The following MAPK10 variants were observed in gnomAD, a reference collection of about 807,000 sequenced individuals.
MAPK10 encodes the protein JNK3 alpha protein kinase.
MAPK10 carries 25 observed loss-of-function variants against 59.3 expected under a neutral mutation model. That is an observed-to-expected ratio of 0.42 (90% CI 0.31 to 0.59). MAPK10 has a LOEUF of 0.59. Among genes scored for constraint, MAPK10 ranks in the 20% least tolerant of loss-of-function variants. MAPK10 has a pLI of 0.15. For missense variants in MAPK10, 351 were observed against 568.9 expected (o/e 0.62, Z 3.90); for synonymous variants, 190 against 200.5 (o/e 0.95, Z 0.44).
chr4:86,351,958 T>G (rs2148963890), intron 2 of MAPK10, among the ~76,000 whole-genome samples: 1 of 152,324 alleles, frequency 6.6e-6, no homozygotes, highest in Admixed American at 6.5e-5. Context: ...AAAGATGCTC[T>G]TCTTCATTAG....
intron 2 of MAPK10, among the ~76,000 whole-genome samples, chr4:86,319,770 A>T (rs2095854948): frequency 6.6e-6 from 1 of 152,196 alleles, no homozygotes. Flanking sequence ...TCAATGAGGG[A>T]TGGCAGCTAA....
chr4:86,579,516 T>TACACACAC (rs35878270), intron 1 of MAPK10, among the ~76,000 whole-genome samples: 2,418 of 146,252 alleles, frequency 0.017, 27 homozygotes, highest in Non-Finnish European at 0.021. Context: ...GATATGTGTA[T>TACACACAC]ACACACACAC....
At chr4:86,270,916 T>G (rs1379748223) in intron 2 of MAPK10, among the ~76,000 whole-genome samples, 1 of 152,106 alleles carries the variant, frequency 6.6e-6, no homozygotes, top group Non-Finnish European at 1.5e-5. Context: ...TTTATTCACT[T>G]CTTGTTGAAA....
intron 13 of MAPK10, chr4:86,020,304 T>C (rs1446484033): frequency 6.6e-6 from 1 of 151,826 alleles, no homozygotes; most frequent in African/African-American, 2.4e-5. Context: ...TATGGATACA[T>C]CACATTTTGT....
At chr4:86,564,671 G>GCA (rs1760929056) in intron 1 of MAPK10, among the ~76,000 whole-genome samples, 1 of 152,116 alleles carries the variant, frequency 6.6e-6, no homozygotes, top group African/African-American at 2.4e-5. Flanking sequence ...AGCGCCATGA[G>GCA]GAGATACCCC....
At chr4:86,321,192 C>T (rs1456958979) in intron 2 of MAPK10, among the ~76,000 whole-genome samples, 1 of 152,024 alleles carries the variant, frequency 6.6e-6, no homozygotes, top group African/African-American at 2.4e-5. Flanking sequence ...CCTCAAGGAT[C>T]TAGAACTAGA....
At chr4:86,190,641 T>G (rs1398084926) in intron 3 of MAPK10, among the ~76,000 whole-genome samples, 1 of 152,174 alleles carries the variant, frequency 6.6e-6, no homozygotes, top group Non-Finnish European at 1.5e-5. Context: ...TTTCTTTTCC[T>G]CTTTATTAGT....
At chr4:86,267,166 GA>G (rs2094276940) in intron 2 of MAPK10, among the ~76,000 whole-genome samples, 1 of 152,106 alleles carries the variant, frequency 6.6e-6, no homozygotes, top group African/African-American at 2.4e-5. Context: ...GTCCTGAACA[GA>G]AAAGTTCACA....
intron 4 of MAPK10, among the ~76,000 whole-genome samples, chr4:86,135,936 C>T (rs1445490413): frequency 1.3e-5 from 2 of 151,846 alleles, no homozygotes; most frequent in Admixed American, 1.3e-4. Context: ...AGGGTATCAG[C>T]AATGGAAGAT....
At chr4:86,457,199 G>GAT (rs994065065), upstream of MAPK10, among the ~76,000 whole-genome samples, 9 of 152,236 alleles carry the variant, frequency 5.9e-5, no homozygotes, top group African/African-American at 1.7e-4. Flanking sequence ...ACAGCCAACA[G>GAT]ATACTGAATG....
At chr4:86,233,830 A>G (rs1021437935) in intron 2 of MAPK10, among the ~76,000 whole-genome samples, 1 of 152,196 alleles carries the variant, frequency 6.6e-6, no homozygotes, top group Non-Finnish European at 1.5e-5. Context: ...GGTAGTCATT[A>G]CAGGAATCCA....
chr4:86,542,782 T>C (rs1758824682), intron 1 of MAPK10, among the ~76,000 whole-genome samples: 1 of 152,176 alleles, frequency 6.6e-6, no homozygotes, highest in African/African-American at 2.4e-5. Flanking sequence ...AGACACTGCT[T>C]GCTTTGCTTT....
intron 1 of MAPK10, among the ~76,000 whole-genome samples, chr4:86,531,274 T>C (rs2149091390): frequency 6.6e-6 from 1 of 152,346 alleles, no homozygotes; most frequent in Admixed American, 6.5e-5. Context: ...CTGAGCCTAT[T>C]ACATTACAAT....
intron 2 of MAPK10, among the ~76,000 whole-genome samples, chr4:86,199,151 A>G (rs932830658): frequency 2.7e-4 from 41 of 151,870 alleles, no homozygotes; most frequent in African/African-American, 9.2e-4. Flanking sequence ...TGCATAGCCT[A>G]CAACACAATA....
At chr4:86,251,628 A>G (rs532986292) in intron 2 of MAPK10, among the ~76,000 whole-genome samples, 17 of 135,520 alleles carry the variant, frequency 1.3e-4, no homozygotes, top group Admixed American at 4.6e-4. Flanking sequence ...TAATGCCGCA[A>G]TAAACATACA....
At chr4:86,403,045 A>G (rs866818234) in intron 1 of MAPK10, among the ~76,000 whole-genome samples, 35 of 152,188 alleles carry the variant, frequency 2.3e-4, no homozygotes, top group South Asian at 8.3e-4. Flanking sequence ...GCAGTTAAAT[A>G]TAATATCAAG....
chr4:86,049,267 T>C (rs1170790886), intron 11 of MAPK10, among the ~76,000 whole-genome samples: 4 of 152,030 alleles, frequency 2.6e-5, no homozygotes, highest in South Asian at 2.1e-4. Context: ...CTCAGGTATG[T>C]TGGGGAACAA....
chr4:86,291,403 T>C (rs1281967734), intron 2 of MAPK10, among the ~76,000 whole-genome samples: 1 of 152,198 alleles, frequency 6.6e-6, no homozygotes, highest in Non-Finnish European at 1.5e-5. Context: ...CACATCAGCC[T>C]ACCCTAAGGC....
chr4:86,307,777 T>G (rs2095596883), intron 2 of MAPK10, among the ~76,000 whole-genome samples: 1 of 152,128 alleles, frequency 6.6e-6, no homozygotes, highest in Non-Finnish European at 1.5e-5. Flanking sequence ...AGGTCCTTCA[T>G]TTCCAGGGTG....
Sources: gnomAD v4.1 joint callset for allele counts (sites outside exome capture counted in the v4.1 genomes callset) on GRCh38, gnomAD v4.1.1 for gene constraint, MANE v1.5 for transcripts, NCBI Gene and HGNC (gene_info 2026-07-23, HGNC 2026-07-21) for gene names.